Variants in LRRC20 observed in about 807,000 individuals in gnomAD.
LRRC20 encodes leucine rich repeat containing 20.
In LRRC20, 11 loss-of-function variants were observed where a neutral mutation model predicts 14.4. The ratio of observed to expected loss-of-function variants is 0.77; its 90% CI spans 0.48 to 1.27. LRRC20 has a LOEUF of 1.27. LRRC20 is among the 50% of genes most tolerant of loss of function. The pLI is 0.00. For synonymous variants in LRRC20, 121 were observed against 107.3 expected, an observed-to-expected ratio of 1.13 and a Z score of -0.79; for missense variants, 219 against 251.2, an observed-to-expected ratio of 0.87 and a Z score of 0.87.
chr10:70,378,758 A>C (rs58570528), intron 1 of LRRC20, among the ~76,000 whole-genome samples: 1,323 of 123,348 alleles, frequency 0.011, 12 homozygotes, highest in African/African-American at 0.036. Flanking sequence ...GGCAACAAAG[A>C]GTGAACCTCG....
At chr10:70,317,617 G>C (rs539308865) in intron 4 of LRRC20, among the ~76,000 whole-genome samples, 20 of 152,158 alleles carry the variant, frequency 1.3e-4, no homozygotes, top group African/African-American at 4.6e-4. Flanking sequence ...AGCCTCAAGC[G>C]ATCCTCCTGC....
chr10:70,370,123 T>TA (rs1844208056), intron 2 of LRRC20, among the ~76,000 whole-genome samples: 1 of 152,184 alleles, frequency 6.6e-6, no homozygotes, highest in African/African-American at 2.4e-5. Context: ...ACTGAATTGT[T>TA]AAAAAACAAA....
intron 2 of LRRC20, among the ~76,000 whole-genome samples, chr10:70,354,264 G>T (rs1367991263): frequency 6.6e-6 from 1 of 152,106 alleles, no homozygotes; most frequent in African/African-American, 2.4e-5. Context: ...GTGCAGCCAG[G>T]TGAACTCTGC....
Position 70,301,474 on chromosome 10 carries a change from G to A in LRRC20, c.435C>T (p.Ala145=), listed in dbSNP as rs766930417. 2.5e-6 allele frequency: 4 copies of A among 1,614,112 alleles called. No homozygotes were observed. The highest frequency in any genetic ancestry group is 3.4e-6 in the Non-Finnish European group (4 of 1,180,032). Residue 145 remains alanine, a synonymous_variant, in exon 5 of 5, where the codon GCC becomes GCT. Transcript: ENST00000446961. ...VPVEKLAAMP[A]LRSINLRFNP... Reference sequence around the variant, plus strand: ...TGAAGCGGAGGTTGATGCTGCGCAAGGCTGGCATGGCGGCCAGCTTCTCCA... The same window carrying A: ...TGAAGCGGAGGTTGATGCTGCGCAAAGCTGGCATGGCGGCCAGCTTCTCCA...
At chr10:70,343,321 G>A (rs1360059204) in intron 2 of LRRC20, among the ~76,000 whole-genome samples, 3 of 152,218 alleles carry the variant, frequency 2.0e-5, no homozygotes, top group Non-Finnish European at 2.9e-5. Flanking sequence ...AGGGGTTCCA[G>A]TTGACCTCAC....
intron 4 of LRRC20, among the ~76,000 whole-genome samples, chr10:70,321,419 G>C (rs1336328430): frequency 6.6e-6 from 1 of 152,154 alleles, no homozygotes; most frequent in Admixed American, 6.5e-5. Flanking sequence ...TGCTGGTTTG[G>C]GAGTTGAGAA....
intron 2 of LRRC20, among the ~76,000 whole-genome samples, chr10:70,350,931 A>C (rs1167231140): frequency 6.6e-6 from 1 of 152,146 alleles, no homozygotes; most frequent in Non-Finnish European, 1.5e-5. Context: ...CATGCCTGTA[A>C]TCCTAGCACT....
intron 4 of LRRC20, among the ~76,000 whole-genome samples, chr10:70,303,437 T>C (rs1841291532): frequency 6.6e-6 from 1 of 152,204 alleles, no homozygotes; most frequent in Admixed American, 6.5e-5. Flanking sequence ...CCAGACTATA[T>C]TGGATCATCA....
chr10:70,380,333 C>T (rs1434219949), intron 1 of LRRC20, among the ~76,000 whole-genome samples: 2 of 152,192 alleles, frequency 1.3e-5, no homozygotes, highest in African/African-American at 2.4e-5. Flanking sequence ...AAAAGGTTCC[C>T]GCTGCTTAAA....
At chr10:70,309,762 T>G (rs1199219932) in intron 4 of LRRC20, among the ~76,000 whole-genome samples, 1 of 152,232 alleles carries the variant, frequency 6.6e-6, no homozygotes, top group Non-Finnish European at 1.5e-5. Flanking sequence ...GTCCCTCACC[T>G]GGGAAGGCCA....
At chr10:70,338,244 G>A (rs1564627681) in intron 3 of LRRC20, among the ~76,000 whole-genome samples, 1 of 152,136 alleles carries the variant, frequency 6.6e-6, no homozygotes, top group Admixed American at 6.6e-5. Context: ...AGTCCTGCCT[G>A]TAGCTCCCTC....
chr10:70,364,219 A>G (rs1049790316), intron 2 of LRRC20, among the ~76,000 whole-genome samples: 1 of 152,186 alleles, frequency 6.6e-6, no homozygotes, highest in Non-Finnish European at 1.5e-5. Context: ...GCTCTGGGCC[A>G]GGAACTACAG....
intron 3 of LRRC20, among the ~76,000 whole-genome samples, chr10:70,334,915 G>A (rs942182749): frequency 2.0e-5 from 3 of 152,152 alleles, no homozygotes; most frequent in African/African-American, 7.2e-5. Flanking sequence ...TCTCTGGCAG[G>A]CACCAGGAGC....
intron 2 of LRRC20, among the ~76,000 whole-genome samples, chr10:70,348,397 A>G (rs920874879): frequency 2.6e-5 from 4 of 152,226 alleles, no homozygotes; most frequent in Non-Finnish European, 5.9e-5. Flanking sequence ...TCATGTTCCC[A>G]TCTGTACACA....
Position 70,323,901 on chromosome 10 carries a change from G to A in LRRC20, c.362C>T (p.Ala121Val), listed in dbSNP as rs577057906. The stretch of plus-strand genomic sequence containing the variant: ...CTCCTCCAGGTTGATGGTCTCCAGC[G>A]CCGGCAGGGCGGTAAGCTGCTCAGG... Reference protein sequence around the residue: ...DFPEQLTALPALETINLEENE... With the variant: ...DFPEQLTALPVLETINLEENE... The change falls in exon 4 of 5, where the codon GCG becomes GTG. Residue 121 changes from alanine to valine, a missense_variant. Ala to Val is a moderately conservative substitution (Grantham distance 64, BLOSUM62 0). Transcript: ENST00000446961. 49 of 1,614,086 alleles carry A rather than the reference G, an allele frequency of 3.0e-5. No homozygotes were observed. Among genetic ancestry groups the A allele is most frequent in the African/African-American group, 4.0e-5 (3 of 74,950 alleles).
chr10:70,373,952 C>T (rs1292980260), intron 2 of LRRC20, among the ~76,000 whole-genome samples: 2 of 152,226 alleles, frequency 1.3e-5, no homozygotes, highest in Non-Finnish European at 2.9e-5. Flanking sequence ...CACACTTCAC[C>T]TGATGCAGGG....
intron 3 of LRRC20, among the ~76,000 whole-genome samples, chr10:70,335,492 C>A (rs1321234203): frequency 6.6e-6 from 1 of 152,234 alleles, no homozygotes; most frequent in East Asian, 1.9e-4. Context: ...CAGGCCCAGG[C>A]TCTTGAGATG....
chr10:70,310,204 G>A (rs533503180), intron 4 of LRRC20, among the ~76,000 whole-genome samples: 1 of 152,342 alleles, frequency 6.6e-6, no homozygotes, highest in South Asian at 2.1e-4. Flanking sequence ...GGAGTTTCTG[G>A]ATAAAGCTGA....
chr10:70,338,337 G>A (rs1381694126), intron 3 of LRRC20, among the ~76,000 whole-genome samples: 1 of 152,076 alleles, frequency 6.6e-6, no homozygotes, highest in East Asian at 1.9e-4. Context: ...CCTCCTCTAG[G>A]AAGCTTGCCT....
Sources: allele counts gnomAD v4.1 joint callset (sites outside exome capture counted in the v4.1 genomes callset), GRCh38; gene constraint gnomAD v4.1.1; transcripts MANE v1.5; gene names NCBI Gene and HGNC (gene_info 2026-07-23, HGNC 2026-07-21).